The following HIBADH variants were observed in gnomAD, a reference collection of about 807,000 sequenced individuals.
HIBADH encodes the protein 3-hydroxyisobutyrate dehydrogenase.
In HIBADH, 25 loss-of-function variants were observed where a neutral mutation model predicts 36.1. That is an observed-to-expected ratio of 0.69 (90% CI 0.50 to 0.97). The LOEUF is 0.97. Ranked by LOEUF, HIBADH falls within the 50% of genes least tolerant of loss-of-function variation. HIBADH has a pLI of 0.00. For synonymous variants in HIBADH, 160 were observed against 149.5 expected, an observed-to-expected ratio of 1.07 and a Z score of -0.51; for missense variants, 421 against 418.0, an observed-to-expected ratio of 1.01 and a Z score of -0.06.
chr7:27,594,582 A>C (rs967035802), intron 4 of HIBADH, among the ~76,000 whole-genome samples: 3 of 152,262 alleles, frequency 2.0e-5, no homozygotes, highest in African/African-American at 7.2e-5. Flanking sequence ...CAATCCCAAC[A>C]AAAATATTAA....
intron 1 of HIBADH, among the ~76,000 whole-genome samples, chr7:27,650,348 T>C (rs966255800): frequency 6.6e-6 from 1 of 151,462 alleles, no homozygotes; most frequent in Non-Finnish European, 1.5e-5. Flanking sequence ...AAGGTGGTCC[T>C]GGGGTAGAAA....
intron 4 of HIBADH, among the ~76,000 whole-genome samples, chr7:27,551,919 T>C (rs1390084536): frequency 6.6e-6 from 1 of 152,182 alleles, no homozygotes; most frequent in Non-Finnish European, 1.5e-5. Context: ...GTTCTAATCA[T>C]TTTCTACAGA....
rs756111116 is a variant in HIBADH, at chr7:27,526,411, G to C, written c.853-39C>G. On this transcript the variant is annotated intron_variant, in intron 7 of 7. Coordinates refer to ENST00000265395, the MANE Select transcript of HIBADH (RefSeq NM_152740.4). ...GAGGAGAGAACACGCTGAGACTGGTGGTAAAGGCTCTTTGGAACTGTGGTT... is the reference window on the plus strand; with the variant it reads ...GAGGAGAGAACACGCTGAGACTGGTCGTAAAGGCTCTTTGGAACTGTGGTT... The C allele has an allele frequency of 4.5e-6, 7 of 1,549,886 alleles. 1 individual carries two copies. The South Asian group carries it at 7.4e-5, about 16-fold the overall frequency.
At chr7:27,530,274 C>A (rs1783972335) in intron 7 of HIBADH, among the ~76,000 whole-genome samples, 1 of 151,992 alleles carries the variant, frequency 6.6e-6, no homozygotes, top group African/African-American at 2.4e-5. Flanking sequence ...GGTGCTATCT[C>A]AGCTGACTGC....
intron 4 of HIBADH, among the ~76,000 whole-genome samples, chr7:27,606,466 G>A (rs1785230432): frequency 6.6e-6 from 1 of 152,230 alleles, no homozygotes; most frequent in African/African-American, 2.4e-5. Flanking sequence ...AAAGTGTCCT[G>A]CAAGAGTTTC....
chr7:27,660,602 T>A (rs1786396594), intron 1 of HIBADH, among the ~76,000 whole-genome samples: 1 of 151,946 alleles, frequency 6.6e-6, no homozygotes, highest in Non-Finnish European at 1.5e-5. Context: ...GAGGCGGAGC[T>A]TGCAGTGAGC....
At chr7:27,634,872 A>G (rs75487509) in intron 2 of HIBADH, among the ~76,000 whole-genome samples, 5,205 of 152,294 alleles carry the variant, frequency 0.034, 116 homozygotes, top group South Asian at 0.093. Context: ...GGGGTGGCCA[A>G]TCAGCCCCCT....
intron 4 of HIBADH, among the ~76,000 whole-genome samples, chr7:27,586,166 T>C (rs1480086291): frequency 6.6e-6 from 1 of 152,160 alleles, no homozygotes; most frequent in East Asian, 1.9e-4. Flanking sequence ...CAAAAGCAAA[T>C]ATGCCCTTGT....
intron 4 of HIBADH, among the ~76,000 whole-genome samples, chr7:27,581,682 A>G (rs748784239): frequency 6.6e-6 from 1 of 152,154 alleles, no homozygotes; most frequent in African/African-American, 2.4e-5. Flanking sequence ...TTATATACTT[A>G]TCGCTTTTTC....
intron 6 of HIBADH, among the ~76,000 whole-genome samples, chr7:27,536,393 T>C (rs1475749561): frequency 1.3e-5 from 2 of 152,134 alleles, no homozygotes; most frequent in African/African-American, 4.8e-5. Flanking sequence ...TTAGAATATA[T>C]TTTATGTTAT....
chr7:27,550,864 T>C (rs1430594492), intron 4 of HIBADH, among the ~76,000 whole-genome samples: 2 of 152,226 alleles, frequency 1.3e-5, no homozygotes, highest in Non-Finnish European at 2.9e-5. Flanking sequence ...TGACCAAGAA[T>C]ACTCATTAAG....
chr7:27,643,268 T>C (rs1785995225), intron 2 of HIBADH, among the ~76,000 whole-genome samples: 1 of 152,138 alleles, frequency 6.6e-6, no homozygotes, highest in Non-Finnish European at 1.5e-5. Context: ...CCATAGTGAT[T>C]AGAGCAATAA....
intron 2 of HIBADH, among the ~76,000 whole-genome samples, chr7:27,632,742 TCTC>T (rs1395297741): frequency 6.6e-6 from 1 of 152,096 alleles, no homozygotes; most frequent in African/African-American, 2.4e-5. Context: ...CAGACACACT[TCTC>T]ATGGGTTCTT....
At chr7:27,543,941 C>G (rs1274209361) in intron 4 of HIBADH, among the ~76,000 whole-genome samples, 1 of 152,076 alleles carries the variant, frequency 6.6e-6, no homozygotes, top group Non-Finnish European at 1.5e-5. Context: ...CTTCATTCAT[C>G]TAAATTTTTA....
At chr7:27,576,725 T>G (rs909354427) in intron 4 of HIBADH, among the ~76,000 whole-genome samples, 1 of 152,190 alleles carries the variant, frequency 6.6e-6, no homozygotes. Flanking sequence ...AAATACAAAA[T>G]GCCAAAAAGC....
chr7:27,654,821 G>A (rs1415610867), intron 1 of HIBADH, among the ~76,000 whole-genome samples: 2 of 151,952 alleles, frequency 1.3e-5, no homozygotes, highest in Non-Finnish European at 2.9e-5. Context: ...AAGTAGCTGG[G>A]ACTACAGGCA....
In HIBADH at chr7:27,525,555, ATTC is replaced by A. The variant is rs557381249; in HGVS notation, c.*656_*658del. On this transcript the variant is annotated 3_prime_UTR_variant, in exon 8 of 8. Coordinates refer to ENST00000265395, the MANE Select transcript of HIBADH (RefSeq NM_152740.4). ...GCTCTGAAATGCATCTAAAGATGTC[ATTC>A]TTAAGTCAAAAAATACGTAGTAAGA... The A allele has an allele frequency of 3.5e-4, 54 of 152,342 alleles. No homozygotes were observed. The highest frequency in any genetic ancestry group is 1.3e-3 in the African/African-American group (53 of 41,584). The allele number at this position is 152,342 out of a possible 1,614,324, so 9.4% of individuals were successfully genotyped here. A position where few individuals can be genotyped will look rare whatever the true frequency, so the allele number is the denominator to read the frequency against.
chr7:27,605,969 C>T (rs1157346049), intron 4 of HIBADH, among the ~76,000 whole-genome samples: 2 of 152,120 alleles, frequency 1.3e-5, no homozygotes, highest in Non-Finnish European at 2.9e-5. Flanking sequence ...ACTACTCTAA[C>T]CTCCTCCCAA....
intron 1 of HIBADH, among the ~76,000 whole-genome samples, chr7:27,662,263 G>A (rs965832084): frequency 1.3e-5 from 2 of 152,130 alleles, no homozygotes; most frequent in Admixed American, 6.5e-5. Context: ...AGGCCCTGCT[G>A]CCCAAGTGTG....
Sources: gnomAD v4.1 joint callset for allele counts (sites outside exome capture counted in the v4.1 genomes callset) on GRCh38, gnomAD v4.1.1 for gene constraint, MANE v1.5 for transcripts, NCBI Gene and HGNC (gene_info 2026-07-23, HGNC 2026-07-21) for gene names.